The following DENND2A variants were observed in gnomAD, a reference collection of about 807,000 sequenced individuals.
DENND2A encodes DENN domain-containing protein 2A.
A neutral mutation model predicts 105.3 loss-of-function variants in DENND2A; 53 were observed. The ratio of observed to expected loss-of-function variants is 0.50; its 90% CI spans 0.40 to 0.63. DENND2A has a LOEUF of 0.63. DENND2A is among the 30% of genes least tolerant of loss of function. The probability of loss-of-function intolerance (pLI) is 0.00; values close to 1 mark genes in which losing one functional copy is unlikely to be tolerated. For synonymous variants in DENND2A, 522 were observed against 508.4 expected (o/e 1.03, Z -0.36); for missense variants, 1,138 against 1,279.6 (o/e 0.89, Z 1.69).
chr7:140,522,421 C>T (rs1475934958), intron 17 of DENND2A, among the ~76,000 whole-genome samples: 7 of 148,920 alleles, frequency 4.7e-5, no homozygotes, highest in African/African-American at 1.7e-4. Flanking sequence ...TAAAGCAATC[C>T]CTCTGCCTCA....
At chr7:140,634,597 G>A (rs1286308181) in intron 1 of DENND2A, among the ~76,000 whole-genome samples, 2 of 152,106 alleles carry the variant, frequency 1.3e-5, no homozygotes, top group African/African-American at 4.8e-5. Context: ...TTGGCCAGGC[G>A]TGGTGGCTCA....
intron 1 of DENND2A, among the ~76,000 whole-genome samples, chr7:140,616,413 T>A (rs1036535054): frequency 1.3e-5 from 2 of 150,566 alleles, no homozygotes; most frequent in Non-Finnish European, 3.0e-5. Flanking sequence ...AGTAGATTAG[T>A]GGTTGCCAGA....
chr7:140,561,591 C>T (rs1797615855), intron 9 of DENND2A, among the ~76,000 whole-genome samples: 1 of 143,066 alleles, frequency 7.0e-6, no homozygotes, highest in Non-Finnish European at 1.5e-5. Flanking sequence ...GGGTTCTCTG[C>T]GTCATGGGTT....
intron 14 of DENND2A, among the ~76,000 whole-genome samples, chr7:140,539,978 G>A (rs1796600930): frequency 6.6e-6 from 1 of 152,230 alleles, no homozygotes; most frequent in South Asian, 2.1e-4. Context: ...GTCCCGGAAA[G>A]TCAGAGCCAT....
At chr7:140,610,256 C>T (rs1799845463) in intron 1 of DENND2A, among the ~76,000 whole-genome samples, 1 of 150,740 alleles carries the variant, frequency 6.6e-6, no homozygotes, top group African/African-American at 2.5e-5. Flanking sequence ...CAGACATGAG[C>T]CACTGTGCCC....
At chr7:140,529,815 G>A (rs2130476532) in intron 14 of DENND2A, among the ~76,000 whole-genome samples, 1 of 152,014 alleles carries the variant, frequency 6.6e-6, no homozygotes, top group South Asian at 2.1e-4. Flanking sequence ...ACGGGGGAGG[G>A]ATAGCATTAG....
chr7:140,532,403 T>C (rs1285182695), intron 14 of DENND2A, among the ~76,000 whole-genome samples: 2 of 152,230 alleles, frequency 1.3e-5, no homozygotes, highest in African/African-American at 2.4e-5. Flanking sequence ...AGAAGATCCA[T>C]GGTCCATTTC....
chr7:140,544,720 T>C lies in DENND2A; in HGVS notation c.2225A>G (p.Asp742Gly). 1 of 1,608,908 alleles carries C rather than the reference T, an allele frequency of 6.2e-7. No homozygotes were observed. Among genetic ancestry groups the C allele is most frequent in the Non-Finnish European group, 8.5e-7 (1 of 1,177,884 alleles). Reference sequence around the variant, plus strand: ...GAGGGAGGAGAAGAGAGACTCAAAGTCCACGTGCTCGAGCCGGGAGTCCAG... The same window carrying C: ...GAGGGAGGAGAAGAGAGACTCAAAGCCCACGTGCTCGAGCCGGGAGTCCAG... ...RPLDSRLEHVDFESLFSSLSV... is the reference protein window; with the variant it reads ...RPLDSRLEHVGFESLFSSLSV... The change falls in exon 14 of 20, where the codon GAC (aspartate) becomes GGC (glycine). Residue 742 changes from aspartate to glycine, a missense_variant. This residue lies in a region of DENND2A where 627 missense variants were observed against 779.8 expected (regional missense o/e 0.80). Coordinates refer to ENST00000496613, the MANE Select transcript of DENND2A (RefSeq NM_015689.5).
Position 140,527,929 on chromosome 7 carries a change from G to T in DENND2A, c.2328-434C>A, listed in dbSNP as rs1230205185. On this transcript the variant is annotated intron_variant, in intron 14 of 19. Transcript: ENST00000496613. The surrounding 1 kb of genome is among the most constrained non-coding windows in gnomAD (Gnocchi z 4.9). ...GGCTTACTGCAACCTCTGCCTCCCA[G>T]GTTCAGGTTCAAGCAATTCTCCCAC... Among the ~76,000 whole-genome samples, 1 of 152,002 alleles carries T rather than the reference G, an allele frequency of 6.6e-6. No individual in the cohort carries two copies. The highest frequency in any genetic ancestry group is 1.5e-5 in the Non-Finnish European group (1 of 68,008).
intron 7 of DENND2A, 65 bp downstream of exon 7, chr7:140,569,580 G>T: frequency 8.7e-7 from 1 of 1,149,694 alleles, no homozygotes; most frequent in Non-Finnish European, 1.3e-6. Flanking sequence ...AAAACAGGAA[G>T]CCACTTCTGG....
At chr7:140,552,210 C>G (rs1217691016) in intron 12 of DENND2A, among the ~76,000 whole-genome samples, 2 of 152,184 alleles carry the variant, frequency 1.3e-5, no homozygotes, top group Non-Finnish European at 2.9e-5. Flanking sequence ...TGGCCAACCC[C>G]AACATAAAGT....
rs1799533543 is a variant in DENND2A at position 140,602,095 on chromosome 7, T to C, written c.303A>G (p.Pro101=). The C allele has an allele frequency of 1.2e-6, 2 of 1,614,104 alleles. No homozygotes were observed. The highest frequency in any genetic ancestry group is 1.1e-5 in the South Asian group (1 of 91,092). ...QVTEAKNGMR[P]GTESTEKERN... is the part of the protein sequence containing the mutation. ...TCTCCTTCTCTGTGCTCTCTGTTCC[T>C]GGCCTCATTCCATTCTTAGCCTCTG... Residue 101 remains proline, a synonymous_variant, in exon 3 of 20, where the codon CCA becomes CCG. Transcript: ENST00000496613.
chr7:140,521,720 A>G, intron 18 of DENND2A, 135 bp downstream of exon 18: 3 of 1,435,498 alleles, frequency 2.1e-6, no homozygotes, highest in Non-Finnish European at 2.8e-6. Context: ...TCAGGGCATA[A>G]CTGCAAGCTC....
intron 5 of DENND2A, among the ~76,000 whole-genome samples, chr7:140,575,512 A>AT (rs147203642): frequency 0.021 from 3,254 of 152,206 alleles, 121 homozygotes; most frequent in African/African-American, 0.074. Context: ...GTGCAATGTT[A>AT]TTTTTTACAA....
At chr7:140,553,369 G>T (rs900848192) in intron 12 of DENND2A, among the ~76,000 whole-genome samples, 2 of 152,194 alleles carry the variant, frequency 1.3e-5, no homozygotes, top group Non-Finnish European at 2.9e-5. Flanking sequence ...GCCCTAAGGC[G>T]GTTTTTCCCT....
chr7:140,522,757 G>A (rs1182814412), intron 17 of DENND2A, among the ~76,000 whole-genome samples: 1 of 151,834 alleles, frequency 6.6e-6, no homozygotes, highest in East Asian at 1.9e-4. Flanking sequence ...ACAGGCGCTT[G>A]CCACTATGGC....
chr7:140,611,763 C>A (rs377753101), intron 1 of DENND2A, among the ~76,000 whole-genome samples: 52 of 152,208 alleles, frequency 3.4e-4, no homozygotes, highest in African/African-American at 1.2e-3. Flanking sequence ...CCAGAGCGGG[C>A]AAATTCACAG....
chr7:140,627,134 G>A (rs1325184542), intron 1 of DENND2A, among the ~76,000 whole-genome samples: 1 of 152,186 alleles, frequency 6.6e-6, no homozygotes, highest in Admixed American at 6.6e-5. Context: ...ATTCTAAGGT[G>A]AACTTAACCC....
At chr7:140,551,905 C>T (rs987462792) in intron 12 of DENND2A, among the ~76,000 whole-genome samples, 1 of 152,178 alleles carries the variant, frequency 6.6e-6, no homozygotes, top group Non-Finnish European at 1.5e-5. Context: ...ACACTGCACT[C>T]CTAAAATATC....
Sources: gnomAD v4.1 joint callset for allele counts (sites outside exome capture counted in the v4.1 genomes callset) on GRCh38, gnomAD v4.1.1 for gene constraint, gnomAD v4.1.1 regional missense constraint, Gnocchi (gnomAD v3.1) non-coding constraint, MANE v1.5 for transcripts, NCBI Gene and HGNC (gene_info 2026-07-23, HGNC 2026-07-21) for gene names.